GOLGA3: variants seen among roughly 807,000 people sequenced by gnomAD.
GOLGA3 encodes the protein golgin A3.
A neutral mutation model predicts 169.4 loss-of-function variants in GOLGA3; 75 were observed. The ratio of observed to expected loss-of-function variants is 0.44; its 90% CI spans 0.37 to 0.54. The LOEUF (loss-of-function observed/expected upper bound fraction) is 0.54. Among genes scored for constraint, GOLGA3 ranks in the 20% least tolerant of loss-of-function variants. The pLI, the probability that GOLGA3 is intolerant of heterozygous loss-of-function variation, is 0.00. For missense variants in GOLGA3, 1,899 were observed against 1,930.0 expected (o/e 0.98, Z 0.30); for synonymous variants, 824 against 822.4 (o/e 1.00, Z -0.03).
At position 132,804,282 on chromosome 12, in the gene GOLGA3, T is replaced by A. The variant is rs1476247516; in HGVS notation, c.1597+434A>T. On this transcript the variant is annotated intron_variant, in intron 7 of 23. Coordinates refer to ENST00000450791, the MANE Select transcript of GOLGA3 (RefSeq NM_001389683.1). This position sits in a 1 kb window ranked among gnomAD's most constrained non-coding sequence, Gnocchi z 4.1. ...GCAGCTCTATACTCCCAAATAACACTGGACTTTTGAGGCAGGATCACCGCA... is the reference window on the plus strand; with the variant it reads ...GCAGCTCTATACTCCCAAATAACACAGGACTTTTGAGGCAGGATCACCGCA... Among the ~76,000 whole-genome samples the A allele has an allele frequency of 6.6e-6, 1 of 152,154 alleles. No individual in the cohort carries two copies. Among genetic ancestry groups the A allele is most frequent in the Non-Finnish European group, 1.5e-5 (1 of 68,018 alleles).
In GOLGA3 at chr12:132,804,854, G is replaced by A. The variant is rs1248465300; in HGVS notation, c.1459C>T (p.Leu487=). The change falls in exon 7 of 24, where the codon CTG becomes TTG. Residue 487 remains leucine, a synonymous_variant. Transcript: ENST00000450791. The surrounding 1 kb of genome is among the most constrained non-coding windows in gnomAD (Gnocchi z 4.1). ...TTTTTTGCCTCCAGCATGTTCTGCAGGTCAGTCATGGCTCGCTCCAGGTCC... is the reference window on the plus strand; with the variant it reads ...TTTTTTGCCTCCAGCATGTTCTGCAAGTCAGTCATGGCTCGCTCCAGGTCC... ...CWDLERAMTD[L]QNMLEAKNAS... is the part of the protein sequence containing the mutation. 1.2e-6 allele frequency: 2 copies of A among 1,614,182 alleles called. No individual in the cohort carries two copies. Among genetic ancestry groups the A allele is most frequent in the East Asian group, 4.5e-5 (2 of 44,880 alleles).
intron 12 of GOLGA3, 45 bp from the exon 13 acceptor site, chr12:132,789,335 T>C (rs924486851): frequency 6.7e-7 from 1 of 1,502,408 alleles, no homozygotes; most frequent in Non-Finnish European, 8.9e-7. Flanking sequence ...CGGCGGGGCG[T>C]GGGGGGCGTA....
chr12:132,818,191 A>G (rs750191815), intron 2 of GOLGA3, among the ~76,000 whole-genome samples: 3 of 119,378 alleles, frequency 2.5e-5, no homozygotes, highest in Admixed American at 8.2e-5. Context: ...CCTCTACACT[A>G]TAAGGTGAAC....
chr12:132,820,611 G>A (rs145751605), intron 2 of GOLGA3, among the ~76,000 whole-genome samples: 3 of 152,300 alleles, frequency 2.0e-5, no homozygotes, highest in African/African-American at 7.2e-5. Context: ...CACATCTGTA[G>A]TCTACAGTTT....
intron 2 of GOLGA3, among the ~76,000 whole-genome samples, chr12:132,820,301 T>C (rs1408641600): frequency 6.6e-6 from 1 of 152,120 alleles, no homozygotes; most frequent in East Asian, 1.9e-4. Flanking sequence ...ATTACACCAC[T>C]GCACTTCAGC....
chr12:132,804,933 CTGGCTGCTG>C lies in GOLGA3; in HGVS notation c.1371_1379del (p.His457_Ser459del). 1.2e-6 allele frequency: 2 copies of C among 1,613,732 alleles called. No homozygotes were observed. Among genetic ancestry groups the C allele is most frequent in the Non-Finnish European group, 1.7e-6 (2 of 1,180,010 alleles). ...CCGAGCTCAGCGAATCCTGCCGCTGCTGGCTGCTGTGGCTGCACTCCACCTGCGCCTGCA... is the reference window on the plus strand; with the variant it reads ...CCGAGCTCAGCGAATCCTGCCGCTGCTGGCTGCACTCCACCTGCGCCTGCA... On this transcript the variant is annotated inframe_deletion, in exon 7 of 24. Coordinates refer to ENST00000450791, the MANE Select transcript of GOLGA3 (RefSeq NM_001389683.1). The surrounding 1 kb of genome is among the most constrained non-coding windows in gnomAD (Gnocchi z 4.1).
At position 132,796,128 on chromosome 12, in the gene GOLGA3, C is replaced by T; in HGVS notation, c.2193G>A (p.Glu731=). The change falls in exon 11 of 24, where the codon GAG becomes GAA. Residue 731 remains glutamate, a synonymous_variant. Transcript: ENST00000450791. The part of the protein sequence containing the change: ...DLMKQLTLTQ[E]ALQSREQSLD... Reference sequence around the variant, plus strand: ...GGGACTGCTCCCTGCTCTGCAGAGCCTCCTGAGTCAAGGTGAGCTGTTTCA... The same window carrying T: ...GGGACTGCTCCCTGCTCTGCAGAGCTTCCTGAGTCAAGGTGAGCTGTTTCA... 1 of 1,612,000 alleles carries T rather than the reference C, an allele frequency of 6.2e-7. No individual in the cohort carries two copies. The highest frequency in any genetic ancestry group is 8.5e-7 in the Non-Finnish European group (1 of 1,179,052).
At chr12:132,776,870 C>A (rs762246532) in intron 20 of GOLGA3, 88 bp downstream of exon 20, 1 of 1,544,990 alleles carries the variant, frequency 6.5e-7, no homozygotes, top group Non-Finnish European at 8.7e-7. Flanking sequence ...AGAAAACCAT[C>A]ACTGTTGCTC....
chr12:132,782,784 A>G, intron 16 of GOLGA3, among the ~76,000 whole-genome samples: 1 of 151,810 alleles, frequency 6.6e-6, no homozygotes. Context: ...GCTGAGGCAG[A>G]AGGATCGCTT....
intron 7 of GOLGA3, 118 bp from the exon 8 acceptor site, chr12:132,802,087 C>G (rs1264804932): frequency 5.4e-6 from 4 of 746,020 alleles, no homozygotes; most frequent in Non-Finnish European, 8.8e-6. Context: ...GAGTCAGTTC[C>G]GGTTATTCCC....
intron 12 of GOLGA3, 21 bp from the exon 13 acceptor site, chr12:132,789,311 G>C: frequency 6.4e-7 from 1 of 1,553,672 alleles, no homozygotes; most frequent in Non-Finnish European, 8.7e-7. Flanking sequence ...CAGAGGCTGT[G>C]AGCGGACGCT....
chr12:132,804,649 C>G lies in GOLGA3; in HGVS notation c.1597+67G>C, dbSNP rs1425135672. The G allele has an allele frequency of 1.5e-6, 2 of 1,350,574 alleles. No homozygotes were observed. Among genetic ancestry groups the G allele is most frequent in the Admixed American group, 1.8e-5 (1 of 56,752 alleles). 83.7% of individuals were successfully genotyped at this position (1,350,574 alleles called of 1,614,324 possible). A position where few individuals can be genotyped will look rare whatever the true frequency, so the allele number is the denominator to read the frequency against. On this transcript the variant is annotated intron_variant, in intron 7 of 23. Transcript: ENST00000450791. This position sits in a 1 kb window ranked among gnomAD's most constrained non-coding sequence, Gnocchi z 4.1. ...GGAGGAGGGCGTGGCGGGGGCCAGT[C>G]GAGGAAGGAGGAGGGAGCAGCAGGG... is the stretch of plus-strand genomic sequence containing the variant.
intron 1 of GOLGA3, chr12:132,827,734 T>G (rs1950482777): frequency 6.6e-6 from 1 of 152,104 alleles, no homozygotes; most frequent in South Asian, 2.1e-4. Flanking sequence ...ATTAAAGGGT[T>G]ATAAAGCGCT....
In GOLGA3 at chr12:132,821,853, CAAAAAAAA is replaced by C. The variant is rs11301977; in HGVS notation, c.133+135_133+142del. On this transcript the variant is annotated intron_variant, in intron 2 of 23. Coordinates refer to ENST00000450791, the MANE Select transcript of GOLGA3 (RefSeq NM_001389683.1). ...TGGGCGAAAGAGCGAGACTCCGTCT[CAAAAAAAA>C]AAAAAAAAAAAAACAACTTTGAATT... The C allele has an allele frequency of 3.6e-4, 141 of 393,788 alleles. No homozygotes were observed. In the African/African-American group the frequency reaches 3.9e-3, roughly 11 times the overall value. The allele number at this position is 393,788 out of a possible 1,614,324, so 24.4% of individuals were successfully genotyped here. A position where few individuals can be genotyped will look rare whatever the true frequency, so the allele number is the denominator to read the frequency against.
At chr12:132,786,884 T>C in intron 13 of GOLGA3, 97 bp from the exon 14 acceptor site, 1 of 844,044 alleles carries the variant, frequency 1.2e-6, no homozygotes. Flanking sequence ...AAGGCACTGC[T>C]CAGGCTCGCC....
At chr12:132,794,909 A>T (rs867787451) in intron 11 of GOLGA3, among the ~76,000 whole-genome samples, 7 of 152,116 alleles carry the variant, frequency 4.6e-5, no homozygotes, top group Admixed American at 2.0e-4. Flanking sequence ...GGATTTAAAG[A>T]CAGAATAGGT....
Position 132,775,295 on chromosome 12 carries a change from G to T in GOLGA3, c.3989C>A (p.Ser1330Tyr). ...GTCTTCCTGGGCCATCTCCAACTCA[G>T]ACTTGACGTTCTGTGGAAAATGAAG... Reference protein sequence around the residue: ...GLQQLLQNVKSELEMAQEDLS... With the variant: ...GLQQLLQNVKYELEMAQEDLS... Residue 1330 changes from serine (S) to tyrosine (Y), a missense_variant, in exon 22 of 24, where the codon TCT becomes TAT. Ser to Tyr is a moderately radical substitution (Grantham distance 144). Transcript: ENST00000450791. The T allele has an allele frequency of 6.2e-7, 1 of 1,605,272 alleles. No individual in the cohort carries two copies. Among genetic ancestry groups the T allele is most frequent in the Non-Finnish European group, 8.5e-7 (1 of 1,176,530 alleles).
intron 6 of GOLGA3, among the ~76,000 whole-genome samples, chr12:132,806,431 T>C (rs925747071): frequency 2.0e-5 from 3 of 152,374 alleles, no homozygotes; most frequent in East Asian, 3.9e-4. Context: ...GACACAGCTT[T>C]AGGTGTCACA....
intron 2 of GOLGA3, among the ~76,000 whole-genome samples, chr12:132,818,177 C>T (rs1465871182): frequency 6.9e-6 from 1 of 145,058 alleles, no homozygotes; most frequent in Non-Finnish European, 1.6e-5. Context: ...ACTCGCCCTC[C>T]ACACCTCTAC....
Sources: gnomAD v4.1 joint callset for allele counts (sites outside exome capture counted in the v4.1 genomes callset) on GRCh38, gnomAD v4.1.1 for gene constraint, Gnocchi (gnomAD v3.1) non-coding constraint, MANE v1.5 for transcripts, NCBI Gene and HGNC (gene_info 2026-07-23, HGNC 2026-07-21) for gene names.